Variants in CNTN6 observed in about 807,000 individuals in gnomAD.
CNTN6 encodes contactin-6.
In CNTN6, 137 loss-of-function variants were observed where a neutral mutation model predicts 122.8. The observed-to-expected ratio is 1.12, with a 90% confidence interval of 0.97 to 1.29. CNTN6 has a LOEUF of 1.29. CNTN6 is among the 50% of genes most tolerant of loss of function. The probability of loss-of-function intolerance (pLI) is 0.00; values close to 1 mark genes in which losing one functional copy is unlikely to be tolerated. For missense variants in CNTN6, 1,634 were observed against 1,223.4 expected (o/e 1.34, Z -5.01); for synonymous variants, 570 against 426.0 (o/e 1.34, Z -4.16).
intron 11 of CNTN6, among the ~76,000 whole-genome samples, chr3:1,333,492 T>C (rs1179680715): frequency 1.3e-5 from 2 of 152,050 alleles, no homozygotes; most frequent in Non-Finnish European, 2.9e-5. Context: ...AAGTCAGATA[T>C]AGGAAAAAAG....
chr3:1,337,430 G>A (rs542900718), intron 11 of CNTN6, among the ~76,000 whole-genome samples: 57 of 151,990 alleles, frequency 3.8e-4, no homozygotes, highest in African/African-American at 1.1e-3. Flanking sequence ...AAATATCTCC[G>A]TCGCACATGC....
chr3:1,305,585 G>C (rs966939308), intron 7 of CNTN6, among the ~76,000 whole-genome samples: 20 of 152,138 alleles, frequency 1.3e-4, no homozygotes, highest in African/African-American at 4.6e-4. Flanking sequence ...AAAAATATGG[G>C]CTCTTGCTGA....
At chr3:1,299,346 A>G (rs1696811997) in intron 7 of CNTN6, among the ~76,000 whole-genome samples, 1 of 152,172 alleles carries the variant, frequency 6.6e-6, no homozygotes, top group African/African-American at 2.4e-5. Flanking sequence ...AATTAATTTT[A>G]AAAGAAAACC....
Position 1,327,473 on chromosome 3 carries a change from A to G in CNTN6, c.1100A>G (p.Glu367Gly). The G allele has an allele frequency of 2.5e-6, 4 of 1,610,380 alleles. No individual in the cohort carries two copies. Among genetic ancestry groups the G allele is most frequent in the Non-Finnish European group, 3.4e-6 (4 of 1,177,810 alleles). Residue 367 changes from glutamate to glycine, a missense_variant, in exon 10 of 23, where the codon GAA (glutamate) becomes GGA (glycine). By Grantham distance (98) the Glu-to-Gly change is moderately conservative (BLOSUM62 -2). Transcript: ENST00000446702. ...CTTTATTAGGAGAGAATTCAAATAG[A>G]AAATGGGACACTCATCATAACGATG... Reference protein sequence around the residue: ...RLNPEERIQIENGTLIITMLN... With the variant: ...RLNPEERIQIGNGTLIITMLN...
At chr3:1,226,612 A>G (rs895048018) in intron 3 of CNTN6, among the ~76,000 whole-genome samples, 26 of 152,146 alleles carry the variant, frequency 1.7e-4, no homozygotes, top group Admixed American at 1.7e-3. Flanking sequence ...GTTTCTTACC[A>G]TTAGATCATA....
At chr3:1,242,612 G>GATT (rs1213235261) in intron 4 of CNTN6, among the ~76,000 whole-genome samples, 2 of 152,170 alleles carry the variant, frequency 1.3e-5, no homozygotes, top group Non-Finnish European at 1.5e-5. Flanking sequence ...CATGTGATCA[G>GATT]TTGCCAGGGA....
At chr3:1,138,146 C>G (rs956202116) in intron 1 of CNTN6, among the ~76,000 whole-genome samples, 5 of 152,190 alleles carry the variant, frequency 3.3e-5, no homozygotes, top group Admixed American at 1.3e-4. Context: ...CAAAGTTCCT[C>G]TTAAACCGTG....
intron 20 of CNTN6, chr3:1,394,211 C>T (rs531457029): frequency 1.0e-4 from 24 of 237,766 alleles, no homozygotes; most frequent in African/African-American, 4.2e-4. Flanking sequence ...GCCTCATCTC[C>T]GGAAGCTTCC....
intron 4 of CNTN6, among the ~76,000 whole-genome samples, chr3:1,241,397 G>C (rs1465682869): frequency 6.6e-6 from 1 of 152,018 alleles, no homozygotes; most frequent in Non-Finnish European, 1.5e-5. Context: ...GAGTGGGAGA[G>C]ACTAAGCTGA....
At chr3:1,342,517 G>T (rs895359036) in intron 11 of CNTN6, among the ~76,000 whole-genome samples, 6 of 152,062 alleles carry the variant, frequency 3.9e-5, no homozygotes, top group African/African-American at 1.4e-4. Flanking sequence ...CTTCATGTAG[G>T]TTTTCATTTT....
intron 20 of CNTN6, among the ~76,000 whole-genome samples, chr3:1,387,309 G>T (rs1197530881): frequency 6.6e-6 from 1 of 152,094 alleles, no homozygotes; most frequent in Non-Finnish European, 1.5e-5. Flanking sequence ...TTATTTTCAA[G>T]AATGGATTAG....
chr3:1,314,504 C>T (rs1477845736), intron 7 of CNTN6, among the ~76,000 whole-genome samples: 2 of 152,030 alleles, frequency 1.3e-5, no homozygotes, highest in Admixed American at 1.3e-4. Flanking sequence ...CAAGCTTTCT[C>T]AAATAGCACT....
chr3:1,154,630 A>G lies in CNTN6; in HGVS notation c.55+6567A>G, dbSNP rs1409274967. ...GGCTAACTTTGTATTTTTAGTAGAG[A>G]CGGGGTTTCTCCATGTTGGTCAGAC... On this transcript the variant is annotated intron_variant, in intron 2 of 22. Coordinates refer to ENST00000446702, the MANE Select transcript of CNTN6 (RefSeq NM_001289080.2). Among the ~76,000 whole-genome samples, 3 of 151,668 alleles carry G rather than the reference A, an allele frequency of 2.0e-5. No individual in the cohort carries two copies. The East Asian group carries it at 5.8e-4, about 29-fold the overall frequency.
intron 4 of CNTN6, among the ~76,000 whole-genome samples, chr3:1,245,777 A>G (rs574012353): frequency 6.6e-6 from 1 of 152,118 alleles, no homozygotes; most frequent in Non-Finnish European, 1.5e-5. Flanking sequence ...AATAATAAAG[A>G]GTTTTGATGG....
At chr3:1,190,603 T>A (rs1018535042) in intron 2 of CNTN6, among the ~76,000 whole-genome samples, 4 of 152,134 alleles carry the variant, frequency 2.6e-5, no homozygotes, top group Non-Finnish European at 4.4e-5. Context: ...TTAAGCAAAG[T>A]TTAAGAATTG....
At chr3:1,278,014 T>G (rs6442316) in intron 4 of CNTN6, among the ~76,000 whole-genome samples, 17 of 152,038 alleles carry the variant, frequency 1.1e-4, no homozygotes, top group Admixed American at 1.1e-3. Context: ...TAGATGCCAG[T>G]CACACTTTAA....
intron 1 of CNTN6, among the ~76,000 whole-genome samples, chr3:1,135,380 A>C (rs2092445778): frequency 6.6e-6 from 1 of 152,128 alleles, no homozygotes; most frequent in African/African-American, 2.4e-5. Context: ...AGAAGGCAAA[A>C]GGTCCAATTG....
chr3:1,246,928 G>C (rs1002844590), intron 4 of CNTN6, among the ~76,000 whole-genome samples: 1 of 152,052 alleles, frequency 6.6e-6, no homozygotes, highest in Admixed American at 6.6e-5. Flanking sequence ...GCACAATGTT[G>C]CTTTTTTGTG....
chr3:1,096,949 A>G (rs1478012952), intron 1 of CNTN6, among the ~76,000 whole-genome samples: 1 of 152,206 alleles, frequency 6.6e-6, no homozygotes, highest in African/African-American at 2.4e-5. Context: ...CTGTGGGACA[A>G]TAGAGGACAT....
Sources: allele counts gnomAD v4.1 joint callset (sites outside exome capture counted in the v4.1 genomes callset), GRCh38; gene constraint gnomAD v4.1.1; transcripts MANE v1.5; gene names NCBI Gene and HGNC (gene_info 2026-07-23, HGNC 2026-07-21).